FANCL: variants seen among roughly 807,000 people sequenced by gnomAD.
The protein encoded by FANCL is FA complementation group L, also known as E3 ubiquitin-protein ligase FANCL.
Under a neutral mutation model 59.4 loss-of-function variants are expected in FANCL, and 69 were observed. The observed-to-expected ratio is 1.16, with a 90% CI of 0.96 to 1.42. The LOEUF (loss-of-function observed/expected upper bound fraction) is 1.42. Among genes scored for constraint, FANCL ranks in the 40% most tolerant of loss-of-function variants. The pLI is 0.00. For synonymous variants in FANCL, 180 were observed against 147.1 expected (o/e 1.22, Z -1.62); for missense variants, 519 against 447.2 (o/e 1.16, Z -1.45).
intron 7 of FANCL, among the ~76,000 whole-genome samples, chr2:58,168,764 A>G (rs1346292627): frequency 6.6e-6 from 1 of 151,970 alleles, no homozygotes. Context: ...TTGGTGGGGG[A>G]AGGGACATCC....
chr2:58,162,826 GCAA>G, intron 11 of FANCL, 37 bp downstream of exon 11: 1 of 1,519,706 alleles, frequency 6.6e-7, no homozygotes, highest in East Asian at 2.3e-5. Flanking sequence ...ACTTCATTAT[GCAA>G]TACTGTCTGG....
intron 7 of FANCL, among the ~76,000 whole-genome samples, chr2:58,191,737 TGG>T (rs1688941501): frequency 6.6e-6 from 1 of 151,842 alleles, no homozygotes; most frequent in Admixed American, 6.6e-5. Context: ...TCATTACACA[TGG>T]AGAGAGACTA....
intron 7 of FANCL, among the ~76,000 whole-genome samples, chr2:58,189,282 T>C (rs967222440): frequency 1.6e-4 from 24 of 152,110 alleles, no homozygotes; most frequent in African/African-American, 5.3e-4. Flanking sequence ...AATAAAGCTA[T>C]TTAAAAAACC....
At chr2:58,165,936 T>A in intron 7 of FANCL, 62 bp from the exon 8 acceptor site, 2 of 1,521,770 alleles carry the variant, frequency 1.3e-6, no homozygotes, top group Non-Finnish European at 1.8e-6. Flanking sequence ...GATAATCTTT[T>A]ACTTAAAATA....
chr2:58,191,822 A>C (rs947717549), intron 7 of FANCL, among the ~76,000 whole-genome samples: 3 of 151,904 alleles, frequency 2.0e-5, no homozygotes, highest in Non-Finnish European at 4.4e-5. Flanking sequence ...TCCCTACATC[A>C]CTTTGTACAT....
intron 8 of FANCL, 148 bp downstream of exon 8, chr2:58,165,576 A>G (rs958259391): frequency 1.2e-6 from 1 of 857,654 alleles, no homozygotes; most frequent in African/African-American, 1.7e-5. Context: ...TTACATTTAA[A>G]TGTGTAGCCA....
intron 6 of FANCL, among the ~76,000 whole-genome samples, chr2:58,199,704 C>A (rs1689800977): frequency 6.6e-6 from 1 of 152,062 alleles, no homozygotes; most frequent in African/African-American, 2.4e-5. Flanking sequence ...TTAATGATTT[C>A]TCTATAATCC....
Position 58,198,541 on chromosome 2 carries a change from G to A in FANCL, c.540+53C>T, listed in dbSNP as rs562334040. On this transcript the variant is annotated intron_variant, in intron 7 of 13. Transcript: ENST00000233741. Reference sequence around the variant, plus strand: ...CCCCCATGGATACTCTGGGACAACTGTACTTTTTAATTACTTAAAACAAAT... The same window carrying A: ...CCCCCATGGATACTCTGGGACAACTATACTTTTTAATTACTTAAAACAAAT... The A allele has an allele frequency of 4.1e-6, 6 of 1,470,530 alleles. No individual in the cohort carries two copies. The East Asian group carries it at 1.4e-4, about 33-fold the overall frequency. 91.1% of individuals were successfully genotyped at this position (1,470,530 alleles called of 1,614,324 possible). A position where few individuals can be genotyped will look rare whatever the true frequency, so the allele number is the denominator to read the frequency against.
rs1301366425 is a variant in FANCL, at chr2:58,159,475, A to T, written c.*290T>A. ...ATTTTATGAGCCTCATCAAGATTTTACCAGTCCAGATATATTCAAGAAGTC... is the reference window on the plus strand; with the variant it reads ...ATTTTATGAGCCTCATCAAGATTTTTCCAGTCCAGATATATTCAAGAAGTC... On this transcript the variant is annotated 3_prime_UTR_variant, in exon 14 of 14. Transcript: ENST00000233741. 7.4e-6 allele frequency: 12 copies of T among 1,613,624 alleles called. No individual in the cohort carries two copies. The highest frequency in any genetic ancestry group is 1.0e-5 in the Non-Finnish European group (12 of 1,179,766).
intron 5 of FANCL, among the ~76,000 whole-genome samples, chr2:58,209,757 C>A (rs1415526336): frequency 6.6e-6 from 1 of 152,128 alleles, no homozygotes; most frequent in Admixed American, 6.5e-5. Flanking sequence ...CAAGATCACA[C>A]AGCAGATAAG....
At chr2:58,224,788 G>T (rs1439334433) in intron 4 of FANCL, among the ~76,000 whole-genome samples, 1 of 151,814 alleles carries the variant, frequency 6.6e-6, no homozygotes, top group African/African-American at 2.4e-5. Flanking sequence ...TTAGAAAACA[G>T]CATTTTCAGA....
intron 8 of FANCL, among the ~76,000 whole-genome samples, chr2:58,165,090 T>C (rs1266873709): frequency 6.6e-6 from 1 of 152,206 alleles, no homozygotes; most frequent in Non-Finnish European, 1.5e-5. Flanking sequence ...TTATCTAAAA[T>C]CTTGAGAAAG....
chr2:58,217,007 A>G (rs922587919), intron 5 of FANCL, among the ~76,000 whole-genome samples: 5 of 150,008 alleles, frequency 3.3e-5, no homozygotes, highest in Non-Finnish European at 7.4e-5. Context: ...GAGACTAAGG[A>G]GGGGAATAAG....
chr2:58,208,659 T>C (rs766070924), intron 5 of FANCL, among the ~76,000 whole-genome samples: 11 of 152,218 alleles, frequency 7.2e-5, no homozygotes, highest in African/African-American at 2.7e-4. Flanking sequence ...AAGACCTTCA[T>C]GTTTGAATAA....
At chr2:58,223,761 A>G (rs2103787434) in intron 4 of FANCL, among the ~76,000 whole-genome samples, 1 of 152,088 alleles carries the variant, frequency 6.6e-6, no homozygotes, top group African/African-American at 2.4e-5. Flanking sequence ...AATATAGGTA[A>G]TTGTTCACTT....
At chr2:58,190,658 T>A (rs1482119875) in intron 7 of FANCL, among the ~76,000 whole-genome samples, 2 of 151,888 alleles carry the variant, frequency 1.3e-5, no homozygotes, top group Non-Finnish European at 2.9e-5. Context: ...CATAAAAACC[T>A]TTACATCACA....
At chr2:58,184,746 C>G (rs989787882) in intron 7 of FANCL, among the ~76,000 whole-genome samples, 9 of 152,016 alleles carry the variant, frequency 5.9e-5, no homozygotes, top group African/African-American at 2.2e-4. Flanking sequence ...ATGCAGAAGC[C>G]TCTCAGCTAA....
At chr2:58,177,228 C>G (rs1205233473) in intron 7 of FANCL, among the ~76,000 whole-genome samples, 3 of 152,008 alleles carry the variant, frequency 2.0e-5, no homozygotes, top group Admixed American at 6.6e-5. Context: ...TGTGGCGATT[C>G]CTCAGGGATC....
intron 4 of FANCL, among the ~76,000 whole-genome samples, chr2:58,224,223 T>C (rs956340242): frequency 6.6e-6 from 1 of 151,856 alleles, no homozygotes; most frequent in African/African-American, 2.4e-5. Context: ...ACATGATATC[T>C]ATACTTTTAC....
Sources: gnomAD v4.1 joint callset for allele counts (sites outside exome capture counted in the v4.1 genomes callset) on GRCh38, gnomAD v4.1.1 for gene constraint, MANE v1.5 for transcripts, NCBI Gene and HGNC (gene_info 2026-07-23, HGNC 2026-07-21) for gene names.